KIF5B: variants seen among roughly 807,000 people sequenced by gnomAD.
The protein encoded by KIF5B is kinesin-1 heavy chain.
In KIF5B, 49 loss-of-function variants were observed where a neutral mutation model predicts 132.8. The ratio of observed to expected loss-of-function variants is 0.37; its 90% CI spans 0.29 to 0.47. The LOEUF (loss-of-function observed/expected upper bound fraction) is 0.47. KIF5B is among the 20% of genes least tolerant of loss of function. The pLI, the probability that KIF5B is intolerant of heterozygous loss-of-function variation, is 1.00. For missense variants in KIF5B, 780 were observed against 1,144.0 expected (o/e 0.68, Z 4.59); for synonymous variants, 355 against 369.4 (o/e 0.96, Z 0.45).
intron 2 of KIF5B, 64 bp downstream of exon 2, chr10:32,048,400 G>A: frequency 9.2e-7 from 1 of 1,083,252 alleles, no homozygotes; most frequent in Admixed American, 2.2e-5. Flanking sequence ...AGCTGAGTAA[G>A]TAGAAAAGAT....
In KIF5B at chr10:32,021,755, G is replaced by A. The variant is rs554905241; in HGVS notation, c.2032+385C>T. Among the ~76,000 whole-genome samples the A allele has an allele frequency of 5.3e-5, 8 of 152,150 alleles. No individual in the cohort carries two copies. In the South Asian group the frequency reaches 1.0e-3, roughly 20 times the overall value. On this transcript the variant is annotated intron_variant, in intron 17 of 25. Transcript: ENST00000302418. Reference sequence around the variant, plus strand: ...TGGGAGGCCAAGGCAGGCAGATCACGAGGTCAGGAGATCAAGACCATCCTG... The same window carrying A: ...TGGGAGGCCAAGGCAGGCAGATCACAAGGTCAGGAGATCAAGACCATCCTG...
Position 32,056,005 on chromosome 10 carries a change from C to A in KIF5B, c.-32G>T, listed in dbSNP as rs781212108. 1.9e-6 allele frequency: 3 copies of A among 1,597,486 alleles called. No homozygotes were observed. The highest frequency in any genetic ancestry group is 2.5e-6 in the Non-Finnish European group (3 of 1,178,934). ...CGCAGCCGGGGCCGGCGGCCGGGAG[C>A]CACTCCCCGCCGCTCAGTCTTGCAG... On this transcript the variant is annotated 5_prime_UTR_variant, in exon 1 of 26. Transcript: ENST00000302418.
At chr10:32,020,181 T>A (rs1335850771) in intron 19 of KIF5B, among the ~76,000 whole-genome samples, 1 of 152,206 alleles carries the variant, frequency 6.6e-6, no homozygotes, top group Non-Finnish European at 1.5e-5. Context: ...CTGTCTTTCA[T>A]CTTCCTGAAT....
chr10:32,021,894 C>T (rs942114898), intron 17 of KIF5B, among the ~76,000 whole-genome samples: 36 of 152,086 alleles, frequency 2.4e-4, no homozygotes, highest in African/African-American at 8.5e-4. Flanking sequence ...ATCACTGGAA[C>T]CCAGGAGGTG....
intron 3 of KIF5B, 66 bp from the exon 4 acceptor site, chr10:32,039,497 T>G: frequency 1.3e-6 from 1 of 760,362 alleles, no homozygotes. Flanking sequence ...ACAAAGAGTT[T>G]CAATCTACAA....
Position 32,049,228 on chromosome 10 carries a change from G to A in KIF5B, c.127-677C>T, listed in dbSNP as rs1047139548. ...CAAGAGATTCCCTCTCTGCTTTAGT[G>A]GAGCATAAATAATAGTGGGGCAGAC... On this transcript the variant is annotated intron_variant, in intron 1 of 25. Coordinates refer to ENST00000302418, the MANE Select transcript of KIF5B (RefSeq NM_004521.3). Among the ~76,000 whole-genome samples the A allele has an allele frequency of 2.0e-5, 3 of 152,180 alleles. No individual in the cohort carries two copies. The East Asian group carries it at 5.8e-4, about 29-fold the overall frequency.
intron 14 of KIF5B, among the ~76,000 whole-genome samples, chr10:32,030,122 CT>C (rs1307209115): frequency 6.6e-6 from 1 of 152,224 alleles, no homozygotes; most frequent in East Asian, 1.9e-4. Flanking sequence ...AAAATAGCTC[CT>C]CCATGATGAT....
intron 19 of KIF5B, among the ~76,000 whole-genome samples, chr10:32,020,660 G>A (rs1163762065): frequency 6.6e-6 from 1 of 152,112 alleles, no homozygotes; most frequent in African/African-American, 2.4e-5. Flanking sequence ...CTGACTTCTA[G>A]TGATCCTCCC....
chr10:32,020,489 T>C (rs897349843), intron 19 of KIF5B, among the ~76,000 whole-genome samples: 1 of 152,122 alleles, frequency 6.6e-6, no homozygotes, highest in African/African-American at 2.4e-5. Context: ...AGTACAATCA[T>C]AGCTCACTTC....
intron 11 of KIF5B, 137 bp from the exon 12 acceptor site, chr10:32,034,175 A>G (rs1439341526): frequency 7.1e-6 from 4 of 561,724 alleles, no homozygotes; most frequent in Non-Finnish European, 1.2e-5. Flanking sequence ...CAGTGGTGCA[A>G]TCTAGGCTCA....
intron 5 of KIF5B, 66 bp downstream of exon 5, chr10:32,038,712 C>T (rs533943869): frequency 8.8e-6 from 8 of 911,126 alleles, no homozygotes; most frequent in Non-Finnish European, 1.4e-5. Context: ...GAAATAGTCT[C>T]ACATCTATTA....
chr10:32,041,643 T>C (rs1054047939), intron 2 of KIF5B, among the ~76,000 whole-genome samples: 19 of 152,234 alleles, frequency 1.2e-4, no homozygotes, highest in Non-Finnish European at 2.8e-4. Flanking sequence ...AAAAATGTTA[T>C]GAGACAGGGT....
intron 15 of KIF5B, among the ~76,000 whole-genome samples, chr10:32,026,139 T>C (rs971913763): frequency 1.3e-5 from 2 of 151,738 alleles, no homozygotes; most frequent in African/African-American, 4.8e-5. Context: ...AACTGTAACT[T>C]AAGAACAACA....
At chr10:32,019,759 A>G in intron 20 of KIF5B, 99 bp downstream of exon 20, 1 of 734,430 alleles carries the variant, frequency 1.4e-6, no homozygotes, top group Non-Finnish European at 2.2e-6. Flanking sequence ...TAGCCCATAC[A>G]AAGTAAAATA....
Position 32,035,732 on chromosome 10 carries a change from C to G in KIF5B, c.817-65G>C, listed in dbSNP as rs3764910. 55 of 1,484,024 alleles carry G rather than the reference C, an allele frequency of 3.7e-5. 1 individual carries two copies. The East Asian group carries it at 1.2e-3, about 33-fold the overall frequency. The allele number at this position is 1,484,024 out of a possible 1,614,324, so 91.9% of individuals were successfully genotyped here. ...ATAAAATGTTATTATAAAATAAACTCCCAAAAGACAACTAACTTACACATA... is the reference window on the plus strand; with the variant it reads ...ATAAAATGTTATTATAAAATAAACTGCCAAAAGACAACTAACTTACACATA... On this transcript the variant is annotated intron_variant, in intron 9 of 25. Transcript: ENST00000302418.
intron 22 of KIF5B, 24 bp from the exon 23 acceptor site, chr10:32,018,180 C>CA (rs1841201682): frequency 6.5e-7 from 1 of 1,534,520 alleles, no homozygotes; most frequent in East Asian, 2.3e-5. Flanking sequence ...GTAAGTATTA[C>CA]AAAAAAATTA....
intron 2 of KIF5B, among the ~76,000 whole-genome samples, chr10:32,044,934 T>C (rs1456631713): frequency 6.6e-6 from 1 of 152,074 alleles, no homozygotes; most frequent in African/African-American, 2.4e-5. Flanking sequence ...TTCCAAACAG[T>C]AAAGCAGGAT....
chr10:32,025,035 C>G (rs1397838465), intron 15 of KIF5B, among the ~76,000 whole-genome samples: 2 of 152,206 alleles, frequency 1.3e-5, no homozygotes, highest in Non-Finnish European at 2.9e-5. Flanking sequence ...CAAAATCACG[C>G]CACTGCACTC....
intron 12 of KIF5B, 22 bp downstream of exon 12, chr10:32,033,823 A>C: frequency 6.4e-7 from 1 of 1,553,812 alleles, no homozygotes; most frequent in Non-Finnish European, 8.8e-7. Context: ...TATAAAGCAG[A>C]CCTAAATCAA....
Sources: allele counts gnomAD v4.1 joint callset (sites outside exome capture counted in the v4.1 genomes callset), GRCh38; gene constraint gnomAD v4.1.1; transcripts MANE v1.5; gene names NCBI Gene and HGNC (gene_info 2026-07-23, HGNC 2026-07-21).